The following FLG2 variants were observed in gnomAD, a reference collection of about 807,000 sequenced individuals.
FLG2 encodes filaggrin 2.
A neutral mutation model predicts 3.9 loss-of-function variants in FLG2; 7 were observed. That is an observed-to-expected ratio of 1.79 (90% confidence interval 1.02 to 3.36). FLG2 has a LOEUF of 3.36. Ranked by LOEUF, FLG2 falls within the 30% of genes most tolerant of loss-of-function variation. The pLI, the probability that FLG2 is intolerant of heterozygous loss-of-function variation, is 0.00. For missense variants in FLG2, 2,700 were observed against 2,809.4 expected, an observed-to-expected ratio of 0.96 and a Z score of 0.88; for synonymous variants, 1,031 against 1,056.1, an observed-to-expected ratio of 0.98 and a Z score of 0.46.
At position 152,356,265 on chromosome 1, in the gene FLG2, C is replaced by G. The variant is rs111556453; in HGVS notation, c.1521G>C (p.Gln507His). The change falls in exon 3 of 3, where the codon CAG (glutamine) becomes CAC (histidine). Residue 507 changes from glutamine to histidine, a missense_variant. Physicochemically the swap from Gln to His is conservative, Grantham distance 24. Coordinates refer to ENST00000388718, the MANE Select transcript of FLG2 (RefSeq NM_001014342.3). Reference sequence around the variant, plus strand: ...AGGATTGTCCTGAGACAGACCCATGCTGTCCAAAGCCAGAGGACTGACCTG... The same window carrying G: ...AGGATTGTCCTGAGACAGACCCATGGTGTCCAAAGCCAGAGGACTGACCTG... Reference protein sequence around the residue: ...SGSGQSSGFGQHGSVSGQSSG... With the variant: ...SGSGQSSGFGHHGSVSGQSSG... 198 of 1,596,054 alleles carry G rather than the reference C, an allele frequency of 1.2e-4. No individual in the cohort carries two copies. In the African/African-American group the frequency reaches 2.1e-3, roughly 17 times the overall value.
In FLG2 at chr1:152,351,831, C is replaced by T; in HGVS notation, c.5955G>A (p.Glu1985=). The T allele has an allele frequency of 1.9e-6, 3 of 1,612,412 alleles. No individual in the cohort carries two copies. Among genetic ancestry groups the T allele is most frequent in the Non-Finnish European group, 1.7e-6 (2 of 1,179,808 alleles). Residue 1985 remains glutamate, a synonymous_variant, in exon 3 of 3, where the codon GAG becomes GAA. Coordinates refer to ENST00000388718, the MANE Select transcript of FLG2 (RefSeq NM_001014342.3). ...THGQAGSHYP[E]SGSSVHERHG... is the part of the protein sequence containing the mutation. ...GTCTCTCATGAACTGAGGATCCTGA[C>T]TCTGGATAGTGAGATCCAGCTTGAC...
rs761578884 is a variant in FLG2, at chr1:152,355,476, A to G, written c.2310T>C (p.Tyr770=). Residue 770 remains tyrosine (Y), a synonymous_variant, in exon 3 of 3, where the codon TAT becomes TAC. Coordinates refer to ENST00000388718, the MANE Select transcript of FLG2 (RefSeq NM_001014342.3). ...QHESRSGQSS[Y]GQHSSGSSQS... is the part of the protein sequence containing the mutation. ...GACTTGAGCCAGAACTGTGTTGGCC[A>G]TAGCTAGACTGACCTGATCTAGACT... is the stretch of plus-strand genomic sequence containing the variant. 6 of 1,612,768 alleles carry G rather than the reference A, an allele frequency of 3.7e-6. No individual in the cohort carries two copies. In the South Asian group the frequency reaches 4.4e-5, roughly 12 times the overall value.
Position 152,350,530 on chromosome 1 carries a change from G to A in FLG2, c.*80C>T, listed in dbSNP as rs1384211081. 6.7e-7 allele frequency: 1 copy of A among 1,495,166 alleles called. No homozygotes were observed. Among genetic ancestry groups the A allele is most frequent in the Non-Finnish European group, 9.0e-7 (1 of 1,111,822 alleles). 92.6% of individuals were successfully genotyped at this position (1,495,166 alleles called of 1,614,324 possible). A position where few individuals can be genotyped will look rare whatever the true frequency, so the allele number is the denominator to read the frequency against. ...AACTGAATGTTCATAACTTACCATT[G>A]ACTGTTCATGATTTAAACTGTGTCT... On this transcript the variant is annotated 3_prime_UTR_variant, in exon 3 of 3. Transcript: ENST00000388718.
chr1:152,357,599 G>T lies in FLG2; in HGVS notation c.187C>A (p.Arg63=), dbSNP rs763012686. 1 of 1,613,892 alleles carries T rather than the reference G, an allele frequency of 6.2e-7. No individual in the cohort carries two copies. The highest frequency in any genetic ancestry group is 8.5e-7 in the Non-Finnish European group (1 of 1,179,944). The part of the protein sequence containing the change: ...TVDVIMHMLD[R]DHDRRLDFTE... Reference sequence around the variant, plus strand: ...AAGTCCAATCTTCTGTCATGATCTCGATCCAGCATATGCATGATGACATCC... The same window carrying T: ...AAGTCCAATCTTCTGTCATGATCTCTATCCAGCATATGCATGATGACATCC... Residue 63 remains arginine (R), a synonymous_variant, in exon 3 of 3, where the codon CGA becomes AGA. Coordinates refer to ENST00000388718, the MANE Select transcript of FLG2 (RefSeq NM_001014342.3).
chr1:152,359,044 A>T lies in FLG2; in HGVS notation c.-22-138T>A, dbSNP rs558182881. The stretch of plus-strand genomic sequence containing the variant: ...AAAACGTAAGAATGGGCCAGGGATG[A>T]TACAACCCCGTTTAACACAATGAAA... On this transcript the variant is annotated intron_variant, in intron 1 of 2. Coordinates refer to ENST00000388718, the MANE Select transcript of FLG2 (RefSeq NM_001014342.3). The T allele has an allele frequency of 6.7e-5, 49 of 729,932 alleles. 2 individuals are homozygous for T. In the East Asian group the frequency reaches 1.3e-3, roughly 19 times the overall value. The allele number at this position is 729,932 out of a possible 1,614,324, so 45.2% of individuals were successfully genotyped here. A position where few individuals can be genotyped will look rare whatever the true frequency, so the allele number is the denominator to read the frequency against.
rs775512775 is a variant in FLG2 at position 152,351,998 on chromosome 1, TG to T, written c.5787del (p.Thr1930LeufsTer472). On this transcript the variant is annotated frameshift_variant, in exon 3 of 3. Transcript: ENST00000388718. LOFTEE classifies it low-confidence loss of function (END_TRUNC). Reference protein sequence around the residue: ...HQTTHGQTGDTTEHGHPSHGQ... With the variant: ...HQTTHGQTGDXTEHGHPSHGQ... ...CCATGACTAGGGTGGCCATGTTCAG[TG>T]GTATCTCCTGTCTGTCCATGAGTAG... is the stretch of plus-strand genomic sequence containing the variant. The T allele has an allele frequency of 6.2e-7, 1 of 1,613,740 alleles. No individual in the cohort carries two copies. The highest frequency in any genetic ancestry group is 1.1e-5 in the South Asian group (1 of 91,070).
In FLG2 at chr1:152,354,229, G is replaced by A. The variant is rs770038598; in HGVS notation, c.3557C>T (p.Ser1186Leu). The A allele has an allele frequency of 4.3e-6, 7 of 1,614,054 alleles. No homozygotes were observed. Among genetic ancestry groups the A allele is most frequent in the East Asian group, 2.2e-5 (1 of 44,884 alleles). Reference sequence around the variant, plus strand: ...TTGTCCAGAACTAGAGAAATTGTCTGAGCCAGACACATGCTGTCCAAAACT... The same window carrying A: ...TTGTCCAGAACTAGAGAAATTGTCTAAGCCAGACACATGCTGTCCAAAACT... ...TTSFGQHVSGSDNFSSSGQHI... is the reference protein window; with the variant it reads ...TTSFGQHVSGLDNFSSSGQHI... The change falls in exon 3 of 3, where the codon TCA (serine) becomes TTA (leucine). Residue 1186 changes from serine (S) to leucine (L), a missense_variant. Ser to Leu is a moderately radical substitution (Grantham distance 145). Coordinates refer to ENST00000388718, the MANE Select transcript of FLG2 (RefSeq NM_001014342.3).
In FLG2 at chr1:152,356,969, T is replaced by C. The variant is rs1326392240; in HGVS notation, c.817A>G (p.Ser273Gly). ...LGSSCSGSGD[S>G]GRRSHACGYS... Reference sequence around the variant, plus strand: ...CCACATGCATGACTTCGCCTCCCACTGTCTCCTGAACCTGAACAGCTAGAC... The same window carrying C: ...CCACATGCATGACTTCGCCTCCCACCGTCTCCTGAACCTGAACAGCTAGAC... Residue 273 changes from serine (S) to glycine (G), a missense_variant, in exon 3 of 3, where the codon AGT becomes GGT. Ser to Gly is a moderately conservative substitution (Grantham distance 56, BLOSUM62 0). Transcript: ENST00000388718. The C allele has an allele frequency of 1.2e-6, 2 of 1,614,242 alleles. No individual in the cohort carries two copies. Among genetic ancestry groups the C allele is most frequent in the Non-Finnish European group, 1.7e-6 (2 of 1,180,032 alleles).
rs755069901 is a variant in FLG2, at chr1:152,354,617, C to A, written c.3169G>T (p.Gly1057Cys). The A allele has an allele frequency of 2.5e-6, 4 of 1,613,726 alleles. No individual in the cohort carries two copies. The highest frequency in any genetic ancestry group is 3.4e-6 in the Non-Finnish European group (4 of 1,179,962). ...QSSGFGQHGT[G>C]SGQSSGFGQY... ...CCAAAACCAGAGGATTGTCCTGAACCAGTCCCATGTTGTCCAAAGCCAGAG... is the reference window on the plus strand; with the variant it reads ...CCAAAACCAGAGGATTGTCCTGAACAAGTCCCATGTTGTCCAAAGCCAGAG... Residue 1057 changes from glycine (G) to cysteine (C), a missense_variant, in exon 3 of 3, where the codon GGT becomes TGT. By Grantham distance (159) the Gly-to-Cys change is radical. Coordinates refer to ENST00000388718, the MANE Select transcript of FLG2 (RefSeq NM_001014342.3).
In FLG2 at chr1:152,353,835, C is replaced by T; in HGVS notation, c.3951G>A (p.Gln1317=). ...VRRRQGTTHG[Q]RGDTTRHGHS... ...GGCCATGTCTAGTGGTATCTCCTCTCTGTCCATGAGTAGTTCCTTGTCTTC... is the reference window on the plus strand; with the variant it reads ...GGCCATGTCTAGTGGTATCTCCTCTTTGTCCATGAGTAGTTCCTTGTCTTC... Residue 1317 remains glutamine, a synonymous_variant, in exon 3 of 3, where the codon CAG becomes CAA. Coordinates refer to ENST00000388718, the MANE Select transcript of FLG2 (RefSeq NM_001014342.3). The T allele has an allele frequency of 6.2e-7, 1 of 1,614,152 alleles. No homozygotes were observed. The highest frequency in any genetic ancestry group is 1.1e-5 in the South Asian group (1 of 91,080).
At position 152,352,279 on chromosome 1, in the gene FLG2, G is replaced by C; in HGVS notation, c.5507C>G (p.Ser1836Ter). 6.2e-7 allele frequency: 1 copy of C among 1,613,792 alleles called. No homozygotes were observed. Among genetic ancestry groups the C allele is most frequent in the Admixed American group, 1.7e-5 (1 of 59,974 alleles). ...ATGTCTCTCGTCAACTATGGATTCT[G>C]ACTCTCCATGTTGAGATCCAGCCTG... ...HGQAGSQHGESESIVDERHGT... is the reference protein window; with the variant it reads ...HGQAGSQHGE Residue 1836 changes from serine to a stop codon, truncating the protein, a stop_gained, in exon 3 of 3, where the codon TCA (serine) becomes TGA (stop). Transcript: ENST00000388718. LOFTEE classifies it low-confidence loss of function (END_TRUNC).
chr1:152,352,905 G>A lies in FLG2; in HGVS notation c.4881C>T (p.Thr1627=). 6.2e-7 allele frequency: 1 copy of A among 1,613,738 alleles called. No individual in the cohort carries two copies. The highest frequency in any genetic ancestry group is 8.5e-7 in the Non-Finnish European group (1 of 1,179,970). Residue 1627 remains threonine, a synonymous_variant, in exon 3 of 3, where the codon ACC becomes ACT. Coordinates refer to ENST00000388718, the MANE Select transcript of FLG2 (RefSeq NM_001014342.3). The part of the protein sequence containing the change: ...HGTTHGQIGD[T]TGHSHSGHGQ... ...CATGACCAGAGTGGGAATGTCCAGT[G>A]GTATCTCCTATCTGTCCATGAGTAG...
In FLG2 at chr1:152,357,436, T is replaced by C. The variant is rs1245484850; in HGVS notation, c.350A>G (p.Glu117Gly). ...ATGTCCTGGTGTATCCTCTTCATCC[T>C]CTTCTGTTTCACTTTCTTCTTCTTG... ...RHQEEESETE[E>G]DEEDTPGHKS... The change falls in exon 3 of 3, where the codon GAG becomes GGG. Residue 117 changes from glutamate (E) to glycine (G), a missense_variant. Transcript: ENST00000388718. 2 of 1,614,032 alleles carry C rather than the reference T, an allele frequency of 1.2e-6. No individual in the cohort carries two copies. Among genetic ancestry groups the C allele is most frequent in the Non-Finnish European group, 1.7e-6 (2 of 1,180,044 alleles).
At position 152,352,837 on chromosome 1, in the gene FLG2, C is replaced by T. The variant is rs769645229; in HGVS notation, c.4949G>A (p.Arg1650Lys). Reference sequence around the variant, plus strand: ...GTCACTGGACTCACTGTGGCTAGATCTCTGTCTTCCAGTTGTCCTGGACCC... The same window carrying T: ...GTCACTGGACTCACTGTGGCTAGATTTCTGTCTTCCAGTTGTCCTGGACCC... The part of the protein sequence containing the change: ...QRGSRTTGRQ[R>K]SSHSESSDSE... The change falls in exon 3 of 3, where the codon AGA becomes AAA. Residue 1650 changes from arginine to lysine, a missense_variant. By Grantham distance (26) the Arg-to-Lys change is conservative (BLOSUM62 2). Coordinates refer to ENST00000388718, the MANE Select transcript of FLG2 (RefSeq NM_001014342.3). 2 of 1,613,268 alleles carry T rather than the reference C, an allele frequency of 1.2e-6. No individual in the cohort carries two copies. Among genetic ancestry groups the T allele is most frequent in the African/African-American group, 1.3e-5 (1 of 74,624 alleles).
Position 152,356,694 on chromosome 1 carries a change from C to A in FLG2, c.1092G>T (p.Gln364His). Residue 364 changes from glutamine (Q) to histidine (H), a missense_variant, in exon 3 of 3, where the codon CAG becomes CAT. Physicochemically the swap from Gln to His is conservative, Grantham distance 24. Transcript: ENST00000388718. ...GYGARENGQPQNCGGQWRTGS... is the reference protein window; with the variant it reads ...GYGARENGQPHNCGGQWRTGS... The stretch of plus-strand genomic sequence containing the variant: ...CTGTTCTCCATTGTCCTCCACAGTT[C>A]TGTGGTTGACCATTTTCTCTAGCTC... 1 of 1,614,198 alleles carries A rather than the reference C, an allele frequency of 6.2e-7. No individual in the cohort carries two copies. The highest frequency in any genetic ancestry group is 8.5e-7 in the Non-Finnish European group (1 of 1,180,038).
chr1:152,356,149 T>C lies in FLG2; in HGVS notation c.1637A>G (p.His546Arg), dbSNP rs150210022. The change falls in exon 3 of 3, where the codon CAT becomes CGT. Residue 546 changes from histidine (H) to arginine (R), a missense_variant. By Grantham distance (29) the His-to-Arg change is conservative. Transcript: ENST00000388718. Reference protein sequence around the residue: ...SRSRQSSYGQHGSGSSQSSGY... With the variant: ...SRSRQSSYGQRGSGSSQSSGY... ...AGATGATTGACTTGAGCCAGAACCA[T>C]GTTGGCCATAGCTAGACTGACGTGA... 7 of 1,613,654 alleles carry C rather than the reference T, an allele frequency of 4.3e-6. No individual in the cohort carries two copies. The African/African-American group carries it at 5.4e-5, about 12-fold the overall frequency.
Position 152,351,092 on chromosome 1 carries a change from G to A in FLG2, c.6694C>T (p.His2232Tyr). The A allele has an allele frequency of 6.2e-7, 1 of 1,613,842 alleles. No individual in the cohort carries two copies. The highest frequency in any genetic ancestry group is 8.5e-7 in the Non-Finnish European group (1 of 1,179,966). The change falls in exon 3 of 3, where the codon CAT becomes TAT. Residue 2232 changes from histidine (H) to tyrosine (Y), a missense_variant. Transcript: ENST00000388718. Reference sequence around the variant, plus strand: ...GATTGTCCATAACCATAGTGGGCATGTCTAGTGGTATCTCCTGTCTGTCCA... The same window carrying A: ...GATTGTCCATAACCATAGTGGGCATATCTAGTGGTATCTCCTGTCTGTCCA... ...THGQTGDTTR[H>Y]AHYGYGQSTQ...
chr1:152,350,675 T>A lies in FLG2; in HGVS notation c.7111A>T (p.Ile2371Phe), dbSNP rs755887285. 2.5e-6 allele frequency: 4 copies of A among 1,614,228 alleles called. No individual in the cohort carries two copies. The change falls in exon 3 of 3, where the codon ATC (isoleucine) becomes TTC (phenylalanine). Residue 2371 changes from isoleucine (I) to phenylalanine (F), a missense_variant. Transcript: ENST00000388718. ...GACCATGAAAGGTGAGAATTACTGA[T>A]GCTTTTTCTGCTGCCACCAGAAGGC... ...YGPSGGSRKSISNSHLSWSTD... is the reference protein window; with the variant it reads ...YGPSGGSRKSFSNSHLSWSTD...
At position 152,351,890 on chromosome 1, in the gene FLG2, C is replaced by G; in HGVS notation, c.5896G>C (p.Gly1966Arg). The part of the protein sequence containing the change: ...SEYSDSEGPS[G>R]VSHTHSGHTH... ...TGTCCTGAATGTGTGTGTGAGACCC[C>G]TGAGGGCCCTTCACTGTCACTGTAC... Residue 1966 changes from glycine (G) to arginine (R), a missense_variant, in exon 3 of 3, where the codon GGG (glycine) becomes CGG (arginine). Coordinates refer to ENST00000388718, the MANE Select transcript of FLG2 (RefSeq NM_001014342.3). The G allele has an allele frequency of 6.2e-7, 1 of 1,613,662 alleles. No homozygotes were observed. The highest frequency in any genetic ancestry group is 8.5e-7 in the Non-Finnish European group (1 of 1,179,900).
Sources: gnomAD v4.1 joint callset for allele counts on GRCh38, gnomAD v4.1.1 for gene constraint, MANE v1.5 for transcripts, NCBI Gene and HGNC (gene_info 2026-07-23, HGNC 2026-07-21) for gene names.